PHF7: variants seen among roughly 807,000 people sequenced by gnomAD.
PHF7 encodes the protein E3 ubiquitin-protein ligase PHF7.
PHF7 carries 24 observed loss-of-function variants against 47.5 expected under a neutral mutation model. The observed-to-expected ratio is 0.51, with a 90% CI of 0.37 to 0.71. PHF7 has a LOEUF of 0.71. Among genes scored for constraint, PHF7 ranks in the 30% least tolerant of loss-of-function variants. The probability of loss-of-function intolerance (pLI) is 0.00; values close to 1 mark genes in which losing one functional copy is unlikely to be tolerated. For missense variants in PHF7, 361 were observed against 456.8 expected, an observed-to-expected ratio of 0.79 and a Z score of 1.91; for synonymous variants, 156 against 153.8, an observed-to-expected ratio of 1.01 and a Z score of -0.11.
chr3:52,421,453 A>G (rs2153229207), intron 7 of PHF7, among the ~76,000 whole-genome samples, 195 bp from the exon 8 acceptor site: 1 of 152,202 alleles, frequency 6.6e-6, no homozygotes, highest in South Asian at 2.1e-4. Context: ...CACTCCTGGG[A>G]ATTCTCTTGA....
intron 4 of PHF7, among the ~76,000 whole-genome samples, chr3:52,416,779 G>A (rs551296958): frequency 6.7e-6 from 1 of 148,662 alleles, no homozygotes; most frequent in African/African-American, 2.5e-5. Flanking sequence ...CTTGCAGTGA[G>A]CCGAGATCAC....
intron 8 of PHF7, 157 bp downstream of exon 8, chr3:52,421,911 A>G: frequency 4.4e-6 from 2 of 455,572 alleles, no homozygotes; most frequent in Non-Finnish European, 4.0e-6. Context: ...TCAAAACAGA[A>G]GGGAGGGGGA....
chr3:52,421,589 G>A (rs567846575), intron 7 of PHF7, 59 bp from the exon 8 acceptor site: 5 of 963,664 alleles, frequency 5.2e-6, no homozygotes, highest in East Asian at 4.8e-5. Context: ...GGTGGGAGGA[G>A]AAAGAAGGTA....
chr3:52,421,908 AGAAG>A, intron 8 of PHF7, 154 bp downstream of exon 8: 1 of 535,334 alleles, frequency 1.9e-6, no homozygotes, highest in Non-Finnish European at 3.4e-6. Context: ...TTATCAAAAC[AGAAG>A]GGAGGGGGAA....
chr3:52,411,783 G>A (rs1015776359), intron 1 of PHF7, among the ~76,000 whole-genome samples: 12 of 152,242 alleles, frequency 7.9e-5, no homozygotes, highest in African/African-American at 2.9e-4. Flanking sequence ...ATGAAAACAG[G>A]TAACAGCCGG....
Position 52,414,489 on chromosome 3 carries a change from C to A in PHF7, c.95-7C>A. ...TTGAGCCAAATTCTGGGTGTCCTCT[C>A]TTCCAGTTTGCTGGCTATGCCTTCG... On this transcript the variant is annotated splice_region_variant and splice_polypyrimidine_tract_variant and intron_variant, in intron 3 of 10. Transcript: ENST00000327906. The A allele has an allele frequency of 6.3e-7, 1 of 1,586,382 alleles. No individual in the cohort carries two copies. Among genetic ancestry groups the A allele is most frequent in the Non-Finnish European group, 8.6e-7 (1 of 1,156,392 alleles).
intron 7 of PHF7, among the ~76,000 whole-genome samples, chr3:52,421,327 G>C (rs529079549): frequency 1.3e-5 from 2 of 152,324 alleles, no homozygotes; most frequent in South Asian, 4.2e-4. Context: ...AGAATGAGCT[G>C]AGAAGCCTCT....
intron 3 of PHF7, among the ~76,000 whole-genome samples, 186 bp from the exon 4 acceptor site, chr3:52,414,310 A>T (rs561185718): frequency 6.6e-6 from 1 of 152,240 alleles, no homozygotes; most frequent in Non-Finnish European, 1.5e-5. Flanking sequence ...TTTTCATTGT[A>T]ACCAGAATTA....
At chr3:52,412,435 CAACCA>C in intron 1 of PHF7, among the ~76,000 whole-genome samples, 1 of 152,164 alleles carries the variant, frequency 6.6e-6, no homozygotes, top group Non-Finnish European at 1.5e-5. Flanking sequence ...CACAAAGAAA[CAACCA>C]TTTAGCTAGG....
rs940817723 is a variant in PHF7, at chr3:52,412,796, C to A, written c.-69-15C>A. The A allele has an allele frequency of 1.3e-5, 15 of 1,146,450 alleles. No homozygotes were observed. In the African/African-American group the frequency reaches 2.3e-4, roughly 18 times the overall value. The allele number at this position is 1,146,450 out of a possible 1,614,324, so 71.0% of individuals were successfully genotyped here. On this transcript the variant is annotated splice_polypyrimidine_tract_variant and intron_variant, in intron 1 of 10. Transcript: ENST00000327906. ...CAGAATTAAATTGCTTACCAAACCC[C>A]ATTTATATTTATAGCTGGAAGAGCC...
chr3:52,421,897 A>G (rs892881377), intron 8 of PHF7, 143 bp downstream of exon 8: 1 of 565,006 alleles, frequency 1.8e-6, no homozygotes. Flanking sequence ...GTGCTTTTCA[A>G]TTATCAAAAC....
rs1176925484 is a variant in PHF7, at chr3:52,415,675, G to GT, written c.186+1092dup. Among the ~76,000 whole-genome samples, 7 of 152,306 alleles carry GT rather than the reference G, an allele frequency of 4.6e-5. No individual in the cohort carries two copies. In the East Asian group the frequency reaches 1.3e-3, roughly 29 times the overall value. ...TCTGGCTTTTTTCTCCCAACACAGT[G>GT]TTTTGGAGATTCATCCATGTTGTTG... On this transcript the variant is annotated intron_variant, in intron 4 of 10. Coordinates refer to ENST00000327906, the MANE Select transcript of PHF7 (RefSeq NM_016483.7).
At chr3:52,413,083 C>T (rs1420270666) in intron 2 of PHF7, among the ~76,000 whole-genome samples, 163 bp downstream of exon 2, 4 of 152,118 alleles carry the variant, frequency 2.6e-5, no homozygotes, top group Non-Finnish European at 5.9e-5. Context: ...CAGTGCTGTC[C>T]CTAGTAGCAA....
chr3:52,420,898 C>T lies in PHF7; in HGVS notation c.414-5C>T, dbSNP rs766569430. On this transcript the variant is annotated splice_polypyrimidine_tract_variant and splice_region_variant and intron_variant, in intron 6 of 10. Transcript: ENST00000327906. ...CCAGAAACCAAGTCTGTTTACCTGC[C>T]ACAGATCATTTTGTGACAAACATCG... is the stretch of plus-strand genomic sequence containing the variant. The T allele has an allele frequency of 6.2e-7, 1 of 1,605,662 alleles. No individual in the cohort carries two copies. The highest frequency in any genetic ancestry group is 1.1e-5 in the South Asian group (1 of 89,384).
Position 52,422,808 on chromosome 3 carries a change from C to G in PHF7, c.846C>G (p.His282Gln). The G allele has an allele frequency of 6.2e-7, 1 of 1,614,008 alleles. No homozygotes were observed. The highest frequency in any genetic ancestry group is 8.5e-7 in the Non-Finnish European group (1 of 1,179,872). ...LCATCGSHGT[H>Q]RDCSSLRSNS... ...CTACATGCGGATCCCACGGAACCCACAGGGACTGCTCCTCTCTTAGATCTA... is the reference window on the plus strand; with the variant it reads ...CTACATGCGGATCCCACGGAACCCAGAGGGACTGCTCCTCTCTTAGATCTA... Residue 282 changes from histidine to glutamine, a missense_variant, in exon 10 of 11, where the codon CAC (histidine) becomes CAG (glutamine). Coordinates refer to ENST00000327906, the MANE Select transcript of PHF7 (RefSeq NM_016483.7).
intron 4 of PHF7, among the ~76,000 whole-genome samples, chr3:52,418,495 G>A (rs1366329993): frequency 2.0e-5 from 3 of 152,104 alleles, no homozygotes; most frequent in Non-Finnish European, 4.4e-5. Context: ...TCATCCCAAA[G>A]CCCTGAGATA....
rs1162792446 is a variant in PHF7, at chr3:52,421,003, G to A, written c.514G>A (p.Val172Ile). 1 of 1,613,728 alleles carries A rather than the reference G, an allele frequency of 6.2e-7. No homozygotes were observed. Among genetic ancestry groups the A allele is most frequent in the Non-Finnish European group, 8.5e-7 (1 of 1,179,802 alleles). ...TTGTGAAGACTTATCCCAACAGAGT[G>A]TTGAGAACATCCAGAGCCCGTGTTG... ...LCCEDLSQQS[V>I]ENIQSPCCSQ... Residue 172 changes from valine (V) to isoleucine (I), a missense_variant, in exon 7 of 11, where the codon GTT (valine) becomes ATT (isoleucine). Coordinates refer to ENST00000327906, the MANE Select transcript of PHF7 (RefSeq NM_016483.7).
intron 3 of PHF7, 55 bp from the exon 4 acceptor site, chr3:52,414,441 C>T: frequency 1.0e-6 from 1 of 969,728 alleles, no homozygotes; most frequent in South Asian, 1.3e-5. Context: ...TCTCACCCTT[C>T]TCTTCCATTC....
rs752530340 is a variant in PHF7 at position 52,420,199 on chromosome 3, G to A, written c.289-112G>A. 1.2e-5 allele frequency: 15 copies of A among 1,204,350 alleles called. No homozygotes were observed. In the South Asian group the frequency reaches 1.7e-4, roughly 14 times the overall value. 74.6% of individuals were successfully genotyped at this position (1,204,350 alleles called of 1,614,324 possible). Reference sequence around the variant, plus strand: ...CCCCAGAGCATTCAGGACCACTGAAGATAGGGAATGGCTATTATTTCACAA... The same window carrying A: ...CCCCAGAGCATTCAGGACCACTGAAAATAGGGAATGGCTATTATTTCACAA... On this transcript the variant is annotated intron_variant, in intron 5 of 10. Transcript: ENST00000327906.
Sources: allele counts gnomAD v4.1 joint callset (sites outside exome capture counted in the v4.1 genomes callset), GRCh38; gene constraint gnomAD v4.1.1; transcripts MANE v1.5; gene names NCBI Gene and HGNC (gene_info 2026-07-23, HGNC 2026-07-21).